CELF2: variants seen among roughly 807,000 people sequenced by gnomAD.
CELF2 encodes the protein CUG triplet repeat RNA-binding protein 2.
Under a neutral mutation model 62.6 loss-of-function variants are expected in CELF2, and 8 were observed. The observed-to-expected ratio is 0.13, with a 90% CI of 0.07 to 0.23. CELF2 has a LOEUF of 0.23. Among genes scored for constraint, CELF2 ranks in the 10% least tolerant of loss-of-function variants. The pLI is 1.00. For synonymous variants in CELF2, 258 were observed against 250.0 expected, an observed-to-expected ratio of 1.03 and a Z score of -0.30; for missense variants, 333 against 671.0, an observed-to-expected ratio of 0.50 and a Z score of 5.56.
chr10:10,957,705 G>A lies in CELF2; in HGVS notation c.89+37706G>A, dbSNP rs574376537. Among the ~76,000 whole-genome samples, 1 of 152,170 alleles carries A rather than the reference G, an allele frequency of 6.6e-6. No individual in the cohort carries two copies. Among genetic ancestry groups the A allele is most frequent in the South Asian group, 2.1e-4 (1 of 4,830 alleles). ...TTCTCCAGCTTCTCCTTGCTCACAT[G>A]TCTTCAAAAGAGTTGGTAGCTGGTG... On this transcript the variant is annotated intron_variant, in intron 2 of 13. Transcript: ENST00000636488. The surrounding 1 kb of genome is among the most constrained non-coding windows in gnomAD (Gnocchi z 4.1).
chr10:10,810,134 A>T (rs2055698880), intron 1 of CELF2, among the ~76,000 whole-genome samples: 1 of 152,266 alleles, frequency 6.6e-6, no homozygotes, highest in Non-Finnish European at 1.5e-5. Context: ...CCTTACATAC[A>T]TGCATAAACA....
intron 3 of CELF2, among the ~76,000 whole-genome samples, chr10:11,230,513 T>G (rs1589458275): frequency 1.3e-5 from 2 of 152,146 alleles, no homozygotes; most frequent in East Asian, 3.9e-4. Flanking sequence ...TCAAGAGAGA[T>G]CCTCTGGAGA....
the CELF2 span, among the ~76,000 whole-genome samples, chr10:10,767,271 C>T: frequency 4.6e-5 from 7 of 151,876 alleles, no homozygotes; most frequent in Non-Finnish European, 8.8e-5. Flanking sequence ...AGCTCAAGGA[C>T]GGGTTTCACT....
At chr10:10,494,510 C>G in the CELF2 span, among the ~76,000 whole-genome samples, 1 of 152,090 alleles carries the variant, frequency 6.6e-6, no homozygotes, top group Admixed American at 6.5e-5. Flanking sequence ...ACGGGAAGAA[C>G]AAGACATAGA....
chr10:10,992,087 A>G (rs2053500540), intron 2 of CELF2, among the ~76,000 whole-genome samples: 1 of 152,224 alleles, frequency 6.6e-6, no homozygotes, highest in African/African-American at 2.4e-5. Context: ...GGGGCCCCAG[A>G]CAAGAAAACA....
intron 8 of CELF2, among the ~76,000 whole-genome samples, chr10:11,287,116 C>T (rs900701393): frequency 3.3e-5 from 5 of 152,206 alleles, no homozygotes; most frequent in South Asian, 2.1e-4. Flanking sequence ...CGCCCCTACA[C>T]ACACATTACG....
intron 1 of CELF2, among the ~76,000 whole-genome samples, chr10:11,055,673 T>G (rs145087902): frequency 2.6e-3 from 393 of 152,342 alleles, no homozygotes; most frequent in Non-Finnish European, 4.2e-3. Context: ...GTGGCCTAAT[T>G]TTGATCCCGA....
At chr10:11,271,605 C>T (rs900219317) in intron 7 of CELF2, among the ~76,000 whole-genome samples, 15 of 152,186 alleles carry the variant, frequency 9.9e-5, no homozygotes, top group African/African-American at 3.4e-4. Context: ...CTAAATTGTG[C>T]TCTTCTACCC....
At chr10:11,256,867 C>T (rs2078937929) in intron 4 of CELF2, among the ~76,000 whole-genome samples, 2 of 152,112 alleles carry the variant, frequency 1.3e-5, no homozygotes, top group Non-Finnish European at 1.5e-5. Flanking sequence ...TTAGAATTTG[C>T]GTGTCGTCCT....
chr10:10,921,666 G>C (rs940559882), intron 2 of CELF2, among the ~76,000 whole-genome samples: 1 of 152,172 alleles, frequency 6.6e-6, no homozygotes, highest in Non-Finnish European at 1.5e-5. Flanking sequence ...GAGAAGGCAA[G>C]AGGGCACGGG....
chr10:11,208,563 C>T (rs2061005391), intron 2 of CELF2, among the ~76,000 whole-genome samples: 1 of 152,142 alleles, frequency 6.6e-6, no homozygotes, highest in Admixed American at 6.5e-5. Context: ...CAGGATTCTT[C>T]CTTCTGGGTG....
At chr10:11,088,302 C>T (rs1452462831) in intron 1 of CELF2, among the ~76,000 whole-genome samples, 3 of 152,184 alleles carry the variant, frequency 2.0e-5, no homozygotes, top group Non-Finnish European at 1.5e-5. Flanking sequence ...AGAAACACTT[C>T]GGACATCTTT....
the CELF2 span, among the ~76,000 whole-genome samples, chr10:10,791,720 A>C: frequency 2.0e-5 from 3 of 152,176 alleles, no homozygotes; most frequent in Non-Finnish European, 4.4e-5. Flanking sequence ...ACGGCTCCCC[A>C]GGGTATCGAA....
intron 11 of CELF2, 111 bp from the exon 12 acceptor site, chr10:11,325,725 G>T: frequency 3.3e-6 from 3 of 912,276 alleles, no homozygotes; most frequent in Non-Finnish European, 4.9e-6. Flanking sequence ...CCATCTGTTT[G>T]TTTGTTCAAC....
intron 9 of CELF2, among the ~76,000 whole-genome samples, chr10:11,289,094 G>T (rs2092032424): frequency 6.6e-6 from 1 of 151,894 alleles, no homozygotes; most frequent in Non-Finnish European, 1.5e-5. Flanking sequence ...TTGTTGCCTT[G>T]TTGTTCAAAA....
intron 1 of CELF2, among the ~76,000 whole-genome samples, chr10:11,068,259 C>T (rs2068699989): frequency 6.6e-6 from 1 of 152,140 alleles, no homozygotes; most frequent in South Asian, 2.1e-4. Context: ...AATGTCAAAC[C>T]GCAACTGTGT....
Position 11,319,795 on chromosome 10 carries a change from T to C in CELF2, c.1097-1394T>C, listed in dbSNP as rs1218126771. On this transcript the variant is annotated intron_variant, in intron 10 of 12. Coordinates refer to ENST00000633077, the MANE Select transcript of CELF2 (RefSeq NM_001326342.2). This position sits in a 1 kb window ranked among gnomAD's most constrained non-coding sequence, Gnocchi z 4.4. The stretch of plus-strand genomic sequence containing the variant: ...GCTATAGCCTAATTCATATCTTACA[T>C]GTGTCCTTTTAATTGAAGAGGCGAA... The C allele has an allele frequency of 1.1e-5, 5 of 470,998 alleles. No homozygotes were observed. The highest frequency in any genetic ancestry group is 7.0e-5 in the East Asian group (1 of 14,388). The allele number at this position is 470,998 out of a possible 1,614,324, so 29.2% of individuals were successfully genotyped here.
At chr10:10,822,162 C>T (rs145660279) in intron 1 of CELF2, among the ~76,000 whole-genome samples, 7 of 152,196 alleles carry the variant, frequency 4.6e-5, no homozygotes, top group Admixed American at 2.6e-4. Flanking sequence ...TCTGCAGCTG[C>T]GATGCAATAT....
At chr10:10,838,689 C>G (rs1294332780) in intron 1 of CELF2, among the ~76,000 whole-genome samples, 1 of 152,090 alleles carries the variant, frequency 6.6e-6, no homozygotes, top group Admixed American at 6.5e-5. Context: ...CAGTTGTCTC[C>G]TAATGTATAT....
Sources: allele counts gnomAD v4.1 joint callset (sites outside exome capture counted in the v4.1 genomes callset), GRCh38; gene constraint gnomAD v4.1.1; non-coding constraint Gnocchi (gnomAD v3.1); transcripts MANE v1.5; gene names NCBI Gene and HGNC (gene_info 2026-07-23, HGNC 2026-07-21).